The following CTIF variants were observed in gnomAD, a reference collection of about 807,000 sequenced individuals.
The protein encoded by CTIF is cap binding complex dependent translation initiation factor.
CTIF carries 21 observed loss-of-function variants against 66.0 expected under a neutral mutation model. The observed-to-expected ratio is 0.32, with a 90% CI of 0.23 to 0.46. The LOEUF (loss-of-function observed/expected upper bound fraction) is 0.46, where lower values mean the gene tolerates loss of function less well. CTIF is among the 20% of genes least tolerant of loss of function. The pLI, the probability that CTIF is intolerant of heterozygous loss-of-function variation, is 1.00. For synonymous variants in CTIF, 345 were observed against 326.4 expected, an observed-to-expected ratio of 1.06 and a Z score of -0.62; for missense variants, 739 against 812.7, an observed-to-expected ratio of 0.91 and a Z score of 1.10.
chr18:48,850,778 C>A (rs558639545), intron 10 of CTIF, among the ~76,000 whole-genome samples: 4 of 152,294 alleles, frequency 2.6e-5, no homozygotes, highest in African/African-American at 9.6e-5. Flanking sequence ...CAGCTGTGTG[C>A]CCCATCCAAG....
chr18:48,701,764 A>G (rs1274124483), intron 6 of CTIF, among the ~76,000 whole-genome samples: 1 of 152,210 alleles, frequency 6.6e-6, no homozygotes, highest in Non-Finnish European at 1.5e-5. Flanking sequence ...TAATAAGTAA[A>G]TGTCATTTGT....
intron 3 of CTIF, among the ~76,000 whole-genome samples, chr18:48,659,935 T>C (rs768439577): frequency 2.0e-5 from 3 of 152,116 alleles, no homozygotes; most frequent in Non-Finnish European, 2.9e-5. Flanking sequence ...TTCAGGGATA[T>C]GTTCCCTGAG....
intron 7 of CTIF, among the ~76,000 whole-genome samples, chr18:48,737,886 A>G (rs1249921949): frequency 6.6e-6 from 1 of 152,260 alleles, no homozygotes; most frequent in African/African-American, 2.4e-5. Flanking sequence ...ACAAAAACAA[A>G]CCTTTTGCTA....
chr18:48,759,611 T>C (rs1908757522), intron 8 of CTIF, among the ~76,000 whole-genome samples: 1 of 152,214 alleles, frequency 6.6e-6, no homozygotes, highest in Admixed American at 6.5e-5. Flanking sequence ...CTTGGGCAAG[T>C]CACCTAATCT....
chr18:48,860,326 ACAGT>A lies in CTIF; in HGVS notation c.*771_*774del, dbSNP rs1159175598. On this transcript the variant is annotated 3_prime_UTR_variant, in exon 12 of 12. Coordinates refer to ENST00000256413, the MANE Select transcript of CTIF (RefSeq NM_014772.3). ...ATGAAAATGCCCGTGATGTGATCAC[ACAGT>A]CAGCACTGTTGAGGACCCCCGGATT... 4.1e-6 allele frequency: 1 copy of A among 242,600 alleles called. No individual in the cohort carries two copies. Among genetic ancestry groups the A allele is most frequent in the African/African-American group, 2.2e-5 (1 of 44,880 alleles). The allele number at this position is 242,600 out of a possible 1,614,324, so 15.0% of individuals were successfully genotyped here. A position where few individuals can be genotyped will look rare whatever the true frequency, so the allele number is the denominator to read the frequency against.
chr18:48,776,685 C>G (rs958437029), intron 9 of CTIF, among the ~76,000 whole-genome samples: 2 of 152,238 alleles, frequency 1.3e-5, no homozygotes, highest in African/African-American at 2.4e-5. Context: ...CTGTCTGCCT[C>G]GCACAGCCCC....
At chr18:48,624,093 TC>T (rs2090549659) in intron 2 of CTIF, among the ~76,000 whole-genome samples, 1 of 55,348 alleles carries the variant, frequency 1.8e-5, no homozygotes, top group Non-Finnish European at 3.7e-5. Flanking sequence ...ACCACGCCCC[TC>T]CCCATGCTTG....
chr18:48,817,445 A>C (rs929017202), intron 10 of CTIF, 69 bp downstream of exon 10: 17 of 1,531,942 alleles, frequency 1.1e-5, no homozygotes, highest in African/African-American at 1.4e-5. Context: ...GTCTCAGATA[A>C]CTGGGACAAA....
chr18:48,767,481 A>C (rs1039294032), intron 9 of CTIF, among the ~76,000 whole-genome samples: 6 of 152,204 alleles, frequency 3.9e-5, no homozygotes, highest in African/African-American at 1.4e-4. Flanking sequence ...TGTTTAGCCA[A>C]GAGGTGTCTG....
At chr18:48,768,223 G>C (rs1225325590) in intron 9 of CTIF, among the ~76,000 whole-genome samples, 1 of 152,160 alleles carries the variant, frequency 6.6e-6, no homozygotes. Flanking sequence ...ACATAGGAAG[G>C]GAGGAGGGAG....
chr18:48,557,105 G>T (rs901679909), intron 1 of CTIF, among the ~76,000 whole-genome samples: 3 of 152,110 alleles, frequency 2.0e-5, no homozygotes, highest in Admixed American at 1.3e-4. Flanking sequence ...AGGAGGGGTG[G>T]GGCTGTAAAA....
At chr18:48,640,591 G>A (rs1305464638) in intron 3 of CTIF, among the ~76,000 whole-genome samples, 2 of 152,204 alleles carry the variant, frequency 1.3e-5, no homozygotes, top group Non-Finnish European at 2.9e-5. Flanking sequence ...ATGGAGATGC[G>A]GTGGCTGGCT....
At chr18:48,740,015 A>G (rs1206152838) in intron 7 of CTIF, among the ~76,000 whole-genome samples, 1 of 152,214 alleles carries the variant, frequency 6.6e-6, no homozygotes, top group East Asian at 1.9e-4. Context: ...ATCAATGCAC[A>G]TTGTCAGTAC....
intron 1 of CTIF, among the ~76,000 whole-genome samples, chr18:48,568,800 A>G (rs898121184): frequency 1.3e-5 from 2 of 152,040 alleles, no homozygotes; most frequent in Non-Finnish European, 2.9e-5. Flanking sequence ...TGCCCTTTAT[A>G]AAACCATCAG....
At chr18:48,758,439 A>G (rs1467543116) in intron 8 of CTIF, 34 bp downstream of exon 8, 1 of 1,552,128 alleles carries the variant, frequency 6.4e-7, no homozygotes, top group East Asian at 2.3e-5. Context: ...CTTCTCTTGC[A>G]CCAGGGAGGA....
chr18:48,720,710 C>T (rs11874319), intron 7 of CTIF, among the ~76,000 whole-genome samples: 30,476 of 152,112 alleles, frequency 0.2, 4,382 homozygotes, highest in African/African-American at 0.41. Flanking sequence ...CAGGTCCATG[C>T]TTGATTGAAA....
intron 6 of CTIF, among the ~76,000 whole-genome samples, chr18:48,682,029 A>G (rs2091754250): frequency 1.3e-5 from 2 of 151,688 alleles, no homozygotes; most frequent in South Asian, 4.2e-4. Context: ...CAGGTGATCC[A>G]CCTGCCTCGG....
At chr18:48,815,421 T>C (rs1385330889) in intron 9 of CTIF, among the ~76,000 whole-genome samples, 1 of 152,258 alleles carries the variant, frequency 6.6e-6, no homozygotes, top group Non-Finnish European at 1.5e-5. Context: ...AGGACCATTG[T>C]GATAACTATG....
intron 7 of CTIF, among the ~76,000 whole-genome samples, chr18:48,752,106 G>T (rs1042324181): frequency 5.9e-5 from 9 of 152,180 alleles, no homozygotes; most frequent in African/African-American, 2.2e-4. Flanking sequence ...AGTCCATGCA[G>T]TGAGCTACCA....
Sources: allele counts gnomAD v4.1 joint callset (sites outside exome capture counted in the v4.1 genomes callset), GRCh38; gene constraint gnomAD v4.1.1; transcripts MANE v1.5; gene names NCBI Gene and HGNC (gene_info 2026-07-23, HGNC 2026-07-21).